ADH1B: variants seen among roughly 807,000 people sequenced by gnomAD.
ADH1B encodes the protein all-trans-retinol dehydrogenase [NAD(+)] ADH1B.
Under a neutral mutation model 34.6 loss-of-function variants are expected in ADH1B, and 29 were observed. The ratio of observed to expected loss-of-function variants is 0.84; its 90% CI spans 0.62 to 1.14. The LOEUF is 1.14. Among genes scored for constraint, ADH1B ranks in the 50% most tolerant of loss-of-function variants. ADH1B has a pLI of 0.00. For missense variants in ADH1B, 424 were observed against 468.4 expected, an observed-to-expected ratio of 0.91 and a Z score of 0.87; for synonymous variants, 170 against 175.5, an observed-to-expected ratio of 0.97 and a Z score of 0.25.
At chr4:99,313,044 T>C (rs1217256258) in intron 6 of ADH1B, among the ~76,000 whole-genome samples, 1 of 151,658 alleles carries the variant, frequency 6.6e-6, no homozygotes, top group Non-Finnish European at 1.5e-5. Flanking sequence ...TTTTTTTTTT[T>C]GAGACAGAGT....
At chr4:99,318,626 A>G (rs933547610) in intron 2 of ADH1B, 159 bp downstream of exon 2, 1 of 732,390 alleles carries the variant, frequency 1.4e-6, no homozygotes, top group Non-Finnish European at 2.1e-6. Flanking sequence ...TTAAAAATTT[A>G]AAATTTATAT....
chr4:99,316,098 T>C lies in ADH1B; in HGVS notation c.367A>G (p.Thr123Ala), dbSNP rs1329350526. The change falls in exon 5 of 9, where the codon ACC becomes GCC. Residue 123 changes from threonine to alanine, a missense_variant. By Grantham distance (58) the Thr-to-Ala change is moderately conservative. Around this residue, in one of 3 missense-constraint regions of ADH1B, gnomAD observed 291 missense variants for 300.4 expected, o/e 0.97. Transcript: ENST00000305046. ...AACCTCCTGGTGCCATCCTGCAGGGTCCCCCGAGGATTGCCTAGACTGGGC... is the reference window on the plus strand; with the variant it reads ...AACCTCCTGGTGCCATCCTGCAGGGCCCCCCGAGGATTGCCTAGACTGGGC... ...LKNDLGNPRG[T>A]LQDGTRRFTC... 1.2e-6 allele frequency: 2 copies of C among 1,613,856 alleles called. No homozygotes were observed. Among genetic ancestry groups the C allele is most frequent in the African/African-American group, 2.7e-5 (2 of 74,850 alleles).
chr4:99,316,178 A>T, intron 4 of ADH1B, 37 bp downstream of exon 4: 1 of 1,614,060 alleles, frequency 6.2e-7, no homozygotes. Context: ...TAATGTGCAA[A>T]CTCAAAGTCT....
intron 5 of ADH1B, chr4:99,315,605 C>T (rs1693457): frequency 0.82 from 373,353 of 457,870 alleles, 152,756 homozygotes; most frequent in East Asian, 0.92. Context: ...GCTCTCTAAT[C>T]GTTGAATGAA....
intron 1 of ADH1B, 68 bp from the exon 2 acceptor site, chr4:99,318,954 C>T (rs774616214): frequency 1.1e-5 from 17 of 1,501,582 alleles, no homozygotes; most frequent in Admixed American, 5.0e-5. Context: ...TGTGTCTTTT[C>T]ATCTTTGTAC....
chr4:99,319,137 T>C (rs1298528384), intron 1 of ADH1B: 1 of 545,032 alleles, frequency 1.8e-6, no homozygotes, highest in South Asian at 2.0e-5. Context: ...GCCATTCTTA[T>C]GTTGTTGTTT....
Position 99,315,906 on chromosome 4 carries a change from C to A in ADH1B, c.559G>T (p.Val187Phe). The A allele has an allele frequency of 1.2e-6, 2 of 1,614,220 alleles. No individual in the cohort carries two copies. The highest frequency in any genetic ancestry group is 1.6e-4 in the Middle Eastern group (1 of 6,062). The change falls in exon 5 of 9, where the codon GTT (valine) becomes TTT (phenylalanine). Residue 187 changes from valine (V) to phenylalanine (F), a missense_variant. Physicochemically the swap from Val to Phe is conservative, Grantham distance 50. Coordinates refer to ENST00000305046, the MANE Select transcript of ADH1B (RefSeq NM_000668.6). ...FSTGYGSAVNVAKVTPGSTCA... is the reference protein window; with the variant it reads ...FSTGYGSAVNFAKVTPGSTCA... The stretch of plus-strand genomic sequence containing the variant: ...CCCATTGTCATTCTCACCTTGGCAA[C>A]GTTAACTGCAGACCCATAACCAGTC...
At chr4:99,320,021 T>A (rs1733984455) in intron 1 of ADH1B, 1 of 152,178 alleles carries the variant, frequency 6.6e-6, no homozygotes, top group African/African-American at 2.4e-5. Context: ...TTACATGCAT[T>A]ATTTTTATCT....
chr4:99,310,545 A>G (rs114433660), intron 8 of ADH1B, among the ~76,000 whole-genome samples: 91 of 152,282 alleles, frequency 6.0e-4, no homozygotes, highest in Non-Finnish European at 1.0e-3. Flanking sequence ...TCAGATTTGC[A>G]GTAATCAACG....
Position 99,318,972 on chromosome 4 carries a change from ATTGCGTCCCATG to A in ADH1B, c.19-98_19-87del, listed in dbSNP as rs762577054. 2.9e-6 allele frequency: 4 copies of A among 1,381,012 alleles called. No individual in the cohort carries two copies. In the South Asian group the frequency reaches 4.6e-5, roughly 16 times the overall value. The allele number at this position is 1,381,012 out of a possible 1,614,324, so 85.5% of individuals were successfully genotyped here. On this transcript the variant is annotated intron_variant, in intron 1 of 8. Transcript: ENST00000305046. ...GTCTTTTCATCTTTGTACATGTAAT[ATTGCGTCCCATG>A]TCTGGTACCTAACAAGTGCTCCATG...
At chr4:99,311,742 C>A in intron 6 of ADH1B, 86 bp from the exon 7 acceptor site, 1 of 1,547,554 alleles carries the variant, frequency 6.5e-7, no homozygotes, top group Non-Finnish European at 8.8e-7. Context: ...ATAGGCTTAA[C>A]TGGATTGTGA....
chr4:99,320,984 CT>C (rs1434976697), intron 1 of ADH1B: 7 of 1,100,680 alleles, frequency 6.4e-6, no homozygotes, highest in Non-Finnish European at 4.7e-6. Context: ...ATAAAGATAA[CT>C]TGCCATTAAA....
At chr4:99,318,004 G>C (rs1443240705) in intron 3 of ADH1B, 42 bp downstream of exon 3, 2 of 1,607,730 alleles carry the variant, frequency 1.2e-6, no homozygotes, top group Non-Finnish European at 8.5e-7. Flanking sequence ...GGGAAATCCT[G>C]GATGGTGAAC....
At chr4:99,313,031 T>A in intron 6 of ADH1B, among the ~76,000 whole-genome samples, 1 of 149,850 alleles carries the variant, frequency 6.7e-6, no homozygotes, top group African/African-American at 2.5e-5. Flanking sequence ...TTTTCTTTTT[T>A]CTTTTTTTTT....
At position 99,316,578 on chromosome 4, in the gene ADH1B, A is replaced by G. The variant is rs558513177; in HGVS notation, c.260-276T>C. ...CACTGTACTAATAGTTAACTTTTAC[A>G]CAGTGTACTGATTTCTCCTGGAGGC... On this transcript the variant is annotated intron_variant, in intron 3 of 8. Coordinates refer to ENST00000305046, the MANE Select transcript of ADH1B (RefSeq NM_000668.6). 13 of 365,416 alleles carry G rather than the reference A, an allele frequency of 3.6e-5. No individual in the cohort carries two copies. In the South Asian group the frequency reaches 5.6e-4, roughly 16 times the overall value. The allele number at this position is 365,416 out of a possible 1,614,324, so 22.6% of individuals were successfully genotyped here.
intron 1 of ADH1B, chr4:99,320,686 T>A: frequency 1.8e-6 from 1 of 556,140 alleles, no homozygotes; most frequent in Non-Finnish European, 2.4e-6. Flanking sequence ...CATATTAACT[T>A]TTAAATGGGG....
At position 99,313,926 on chromosome 4, in the gene ADH1B, G is replaced by A. The variant is rs78681053; in HGVS notation, c.723C>T (p.Cys241=). 7.4e-6 allele frequency: 12 copies of A among 1,614,002 alleles called. No individual in the cohort carries two copies. In the Admixed American group the frequency reaches 2.0e-4, roughly 27 times the overall value. The change falls in exon 6 of 9, where the codon TGC becomes TGT. Residue 241 remains cysteine (C), a synonymous_variant. Coordinates refer to ENST00000305046, the MANE Select transcript of ADH1B (RefSeq NM_000668.6). ...GTTTCTTGTAGTCTTGAGGGTTGAT[G>A]CATTCAGTGGCACCCAACTCTTTGG... ...AKAKELGATE[C]INPQDYKKPI...
chr4:99,308,519 A>G (rs1380580733), intron 8 of ADH1B, among the ~76,000 whole-genome samples: 2 of 151,994 alleles, frequency 1.3e-5, no homozygotes, highest in African/African-American at 4.8e-5. Context: ...TTGTAGAAGT[A>G]GAGAATAAAG....
In ADH1B at chr4:99,307,880, A is replaced by T. The variant is rs775996950; in HGVS notation, c.1104-16T>A. On this transcript the variant is annotated splice_polypyrimidine_tract_variant and intron_variant, in intron 8 of 8. Coordinates refer to ENST00000305046, the MANE Select transcript of ADH1B (RefSeq NM_000668.6). ...GGTACGGATACTGCAATAGGAAAGA[A>T]GAGACATTGTGTTAACATTTAGACA... The T allele has an allele frequency of 5.6e-6, 9 of 1,613,966 alleles. No homozygotes were observed. Among genetic ancestry groups the T allele is most frequent in the Non-Finnish European group, 6.8e-6 (8 of 1,179,892 alleles).
Sources: allele counts gnomAD v4.1 joint callset (sites outside exome capture counted in the v4.1 genomes callset), GRCh38; gene constraint gnomAD v4.1.1; regional missense constraint gnomAD v4.1.1; transcripts MANE v1.5; gene names NCBI Gene and HGNC (gene_info 2026-07-23, HGNC 2026-07-21).